Variants in DNAH2 observed in about 807,000 individuals in gnomAD.
DNAH2 encodes the protein axonemal beta dynein heavy chain 2.
A neutral mutation model predicts 523.5 loss-of-function variants in DNAH2; 323 were observed. The ratio of observed to expected loss-of-function variants is 0.62; its 90% confidence interval spans 0.56 to 0.68. The LOEUF (loss-of-function observed/expected upper bound fraction) is 0.68, where lower values mean the gene tolerates loss of function less well. Ranked by LOEUF, DNAH2 falls within the 30% of genes least tolerant of loss-of-function variation. The pLI, the probability that DNAH2 is intolerant of heterozygous loss-of-function variation, is 0.00. For synonymous variants in DNAH2, 2,093 were observed against 2,177.4 expected (o/e 0.96, Z 1.08); for missense variants, 4,907 against 5,701.5 (o/e 0.86, Z 4.49).
At position 7,821,132 on chromosome 17, in the gene DNAH2, C is replaced by G. The variant is rs1207401601; in HGVS notation, c.11016-111C>G. Reference sequence around the variant, plus strand: ...GTTTCCAGGAGGTTAGGATTAGAGGCTGGTGAGGTCCTCTGTGTGAAGCTG... The same window carrying G: ...GTTTCCAGGAGGTTAGGATTAGAGGGTGGTGAGGTCCTCTGTGTGAAGCTG... On this transcript the variant is annotated intron_variant, in intron 72 of 85. Coordinates refer to ENST00000572933, the MANE Select transcript of DNAH2 (RefSeq NM_020877.5). This position sits in a 1 kb window ranked among gnomAD's most constrained non-coding sequence, Gnocchi z 5.0. 13 of 1,439,122 alleles carry G rather than the reference C, an allele frequency of 9.0e-6. No homozygotes were observed. The highest frequency in any genetic ancestry group is 1.2e-5 in the Non-Finnish European group (13 of 1,075,462). The allele number at this position is 1,439,122 out of a possible 1,614,324, so 89.1% of individuals were successfully genotyped here.
chr17:7,782,107 C>A (rs529452513), intron 39 of DNAH2, among the ~76,000 whole-genome samples: 67 of 152,192 alleles, frequency 4.4e-4, no homozygotes, highest in South Asian at 2.7e-3. Flanking sequence ...CCAAAGCTGG[C>A]CTTCTCCCTG....
chr17:7,764,432 C>T (rs901865188), intron 20 of DNAH2, among the ~76,000 whole-genome samples, 159 bp downstream of exon 20: 3 of 151,604 alleles, frequency 2.0e-5, no homozygotes, highest in Non-Finnish European at 4.4e-5. Flanking sequence ...TACTTAGCTT[C>T]TGGATTTCTT....
rs200133101 is a variant in DNAH2 at position 7,770,746 on chromosome 17, G to C, written c.4182-7G>C. On this transcript the variant is annotated splice_region_variant and splice_polypyrimidine_tract_variant and intron_variant, in intron 26 of 85. Transcript: ENST00000572933. The stretch of plus-strand genomic sequence containing the variant: ...ATGAACTATGATTTTGACCCCTTGT[G>C]TCTCAGAGGTACAGAAGAAGTATTC... 6.2e-7 allele frequency: 1 copy of C among 1,614,150 alleles called. No homozygotes were observed. Among genetic ancestry groups the C allele is most frequent in the East Asian group, 2.2e-5 (1 of 44,884 alleles).
rs774537146 is a variant in DNAH2 at position 7,780,219 on chromosome 17, G to A, written c.5785G>A (p.Val1929Met). The change falls in exon 37 of 86, where the codon GTG (valine) becomes ATG (methionine). Residue 1929 changes from valine to methionine, a missense_variant. Physicochemically the swap from Val to Met is conservative, Grantham distance 21 (BLOSUM62 1). Around this residue, in one of 3 missense-constraint regions of DNAH2, gnomAD observed 2,806 missense variants for 3,190.8 expected, o/e 0.88. Coordinates refer to ENST00000572933, the MANE Select transcript of DNAH2 (RefSeq NM_020877.5). This position sits in a 1 kb window ranked among gnomAD's most constrained non-coding sequence, Gnocchi z 4.4. Reference sequence around the variant, plus strand: ...ATCCATGTTCCGCCCAATTGCCATGGTGGTGCCTGACTCCACCCTCATTGC... The same window carrying A: ...ATCCATGTTCCGCCCAATTGCCATGATGGTGCCTGACTCCACCCTCATTGC... ...LKSMFRPIAM[V>M]VPDSTLIAEI... 1 of 1,614,204 alleles carries A rather than the reference G, an allele frequency of 6.2e-7. No individual in the cohort carries two copies. The highest frequency in any genetic ancestry group is 1.1e-5 in the South Asian group (1 of 91,080).
Position 7,832,251 on chromosome 17 carries a change from C to T in DNAH2, c.12727-328C>T, listed in dbSNP as rs991415764. 1.3e-5 allele frequency among the ~76,000 whole-genome samples: 2 copies of T among 152,068 alleles called. No individual in the cohort carries two copies. The highest frequency in any genetic ancestry group is 6.6e-5 in the Admixed American group (1 of 15,260). On this transcript the variant is annotated intron_variant, in intron 82 of 85. Coordinates refer to ENST00000572933, the MANE Select transcript of DNAH2 (RefSeq NM_020877.5). This position sits in a 1 kb window ranked among gnomAD's most constrained non-coding sequence, Gnocchi z 4.3. The stretch of plus-strand genomic sequence containing the variant: ...GGCTGGACGCGGTGGCTCATGCCTG[C>T]AATCTCAGCACTTTGGGAGGCTGAG...
At chr17:7,742,851 T>C (rs1223354034) in intron 11 of DNAH2, 77 bp from the exon 12 acceptor site, 1 of 1,078,946 alleles carries the variant, frequency 9.3e-7, no homozygotes, top group African/African-American at 1.6e-5. Context: ...TGCGCGCATG[T>C]GTAGGTCTCA....
intron 12 of DNAH2, chr17:7,755,004 G>C (rs1371912978): frequency 5.1e-6 from 2 of 393,846 alleles, no homozygotes; most frequent in Admixed American, 8.0e-5. Flanking sequence ...CAGGAAGAAG[G>C]GTTAGCCTTG....
At chr17:7,801,330 A>G (rs963279477) in intron 56 of DNAH2, among the ~76,000 whole-genome samples, 4 of 146,494 alleles carry the variant, frequency 2.7e-5, no homozygotes, top group African/African-American at 5.0e-5. Context: ...TGGCATTCAA[A>G]GAGCTTAGAT....
intron 11 of DNAH2, among the ~76,000 whole-genome samples, chr17:7,741,806 G>A (rs764450600): frequency 6.6e-5 from 10 of 151,864 alleles, no homozygotes; most frequent in Non-Finnish European, 1.2e-4. Flanking sequence ...TGGGATTACA[G>A]GCATGCACCA....
At chr17:7,732,939 A>G in intron 4 of DNAH2, 148 bp from the exon 5 acceptor site, 1 of 708,502 alleles carries the variant, frequency 1.4e-6, no homozygotes, top group East Asian at 2.7e-5. Context: ...ATATCCGTGA[A>G]AAGAACAGGA....
chr17:7,804,297 A>G lies in DNAH2; in HGVS notation c.9014A>G (p.Asn3005Ser), dbSNP rs1271715539. ...CGGCAGGAGCTGCTGGCCCAAGCCA[A>G]TAAACTGCGGACAGGCTTGTTCAAG... Reference protein sequence around the residue: ...EKRQELLAQANKLRTGLFKID... With the variant: ...EKRQELLAQASKLRTGLFKID... Residue 3005 changes from asparagine (N) to serine (S), a missense_variant, in exon 59 of 86, where the codon AAT becomes AGT. Physicochemically the swap from Asn to Ser is conservative, Grantham distance 46 (BLOSUM62 1). Transcript: ENST00000572933. The G allele has an allele frequency of 2.5e-6, 4 of 1,614,208 alleles. No individual in the cohort carries two copies. The highest frequency in any genetic ancestry group is 1.7e-5 in the Admixed American group (1 of 60,022).
rs777581763 is a variant in DNAH2 at position 7,793,058 on chromosome 17, G to A, written c.7422G>A (p.Gly2474=). ...KRTKGVYVPF[G]GKSMITFMDD... is the part of the protein sequence containing the mutation. Reference sequence around the variant, plus strand: ...CCAAGGGTGTCTACGTGCCATTCGGGGGCAAAAGCATGATCACCTTTATGG... The same window carrying A: ...CCAAGGGTGTCTACGTGCCATTCGGAGGCAAAAGCATGATCACCTTTATGG... The change falls in exon 48 of 86, where the codon GGG becomes GGA. Residue 2474 remains glycine, a synonymous_variant. Coordinates refer to ENST00000572933, the MANE Select transcript of DNAH2 (RefSeq NM_020877.5). 6.2e-7 allele frequency: 1 copy of A among 1,614,148 alleles called. No homozygotes were observed. Among genetic ancestry groups the A allele is most frequent in the Non-Finnish European group, 8.5e-7 (1 of 1,180,022 alleles).
rs76923775 is a variant in DNAH2 at position 7,781,762 on chromosome 17, G to A, written c.6129+595G>A. On this transcript the variant is annotated intron_variant, in intron 39 of 85. Transcript: ENST00000572933. The stretch of plus-strand genomic sequence containing the variant: ...CTGACTTCATTGAAACCTCTAGTCC[G>A]TTGCCTTTGCACTTTCTCCGTGCCC... Among the ~76,000 whole-genome samples the A allele has an allele frequency of 2.0e-3, 298 of 152,300 alleles. 2 individuals carry two copies. The highest frequency in any genetic ancestry group is 6.4e-3 in the African/African-American group (268 of 41,564).
chr17:7,812,332 T>C (rs544747481), intron 63 of DNAH2, among the ~76,000 whole-genome samples: 3 of 152,290 alleles, frequency 2.0e-5, no homozygotes, highest in African/African-American at 7.2e-5. Context: ...AAGTGCACCA[T>C]TCAGGCTGGG....
At chr17:7,748,169 G>A (rs1365231236) in intron 12 of DNAH2, among the ~76,000 whole-genome samples, 1 of 152,102 alleles carries the variant, frequency 6.6e-6, no homozygotes, top group Non-Finnish European at 1.5e-5. Context: ...CACGTTTTAC[G>A]GACAGAACAG....
At position 7,798,137 on chromosome 17, in the gene DNAH2, C is replaced by G. The variant is rs1597698184; in HGVS notation, c.8231-20C>G. On this transcript the variant is annotated intron_variant, in intron 53 of 85. Coordinates refer to ENST00000572933, the MANE Select transcript of DNAH2 (RefSeq NM_020877.5). The surrounding 1 kb of genome is among the most constrained non-coding windows in gnomAD (Gnocchi z 5.5). ...GTTTGCTCAGCCAACTCATTACCCTCACACCCACCCCACCCCCAGTCACAC... is the reference window on the plus strand; with the variant it reads ...GTTTGCTCAGCCAACTCATTACCCTGACACCCACCCCACCCCCAGTCACAC... 6.4e-7 allele frequency: 1 copy of G among 1,572,730 alleles called. No homozygotes were observed. The highest frequency in any genetic ancestry group is 1.3e-5 in the African/African-American group (1 of 74,320).
In DNAH2 at chr17:7,780,561, C is replaced by G. The variant is rs1003589718; in HGVS notation, c.5851-69C>G. ...CTGGGACCTGGCTTCTTGTCTCTGA[C>G]TGTCCTGAGATGAAGCAGAGGGATT... On this transcript the variant is annotated intron_variant, in intron 37 of 85. Coordinates refer to ENST00000572933, the MANE Select transcript of DNAH2 (RefSeq NM_020877.5). This position sits in a 1 kb window ranked among gnomAD's most constrained non-coding sequence, Gnocchi z 4.4. 4.4e-6 allele frequency: 7 copies of G among 1,589,978 alleles called. No homozygotes were observed. The African/African-American group carries it at 9.4e-5, about 21-fold the overall frequency.
chr17:7,793,093 A>G lies in DNAH2; in HGVS notation c.7457A>G (p.Asn2486Ser), dbSNP rs2076945170. 6.2e-7 allele frequency: 1 copy of G among 1,614,060 alleles called. No homozygotes were observed. Among genetic ancestry groups the G allele is most frequent in the Non-Finnish European group, 8.5e-7 (1 of 1,180,042 alleles). Residue 2486 changes from asparagine to serine, a missense_variant, in exon 48 of 86, where the codon AAT becomes AGT. Physicochemically the swap from Asn to Ser is conservative, Grantham distance 46. Transcript: ENST00000572933. ...KSMITFMDDLNMPAKDMFGSQ... is the reference protein window; with the variant it reads ...KSMITFMDDLSMPAKDMFGSQ... ...ATGATCACCTTTATGGATGACCTAA[A>G]TATGCCCGCTAAGGACATGTTTGGG... is the stretch of plus-strand genomic sequence containing the variant.
At chr17:7,811,227 A>G (rs1455329371) in intron 63 of DNAH2, among the ~76,000 whole-genome samples, 5 of 152,244 alleles carry the variant, frequency 3.3e-5, no homozygotes, top group Non-Finnish European at 7.3e-5. Flanking sequence ...GTTCAATTAA[A>G]TGACAGCATT....
Sources: gnomAD v4.1 joint callset for allele counts (sites outside exome capture counted in the v4.1 genomes callset) on GRCh38, gnomAD v4.1.1 for gene constraint, gnomAD v4.1.1 regional missense constraint, Gnocchi (gnomAD v3.1) non-coding constraint, MANE v1.5 for transcripts, NCBI Gene and HGNC (gene_info 2026-07-23, HGNC 2026-07-21) for gene names.